Variants in METTL23 observed in about 807,000 individuals in gnomAD.
METTL23 encodes methyltransferase 23, arginine.
Under a neutral mutation model 21.2 loss-of-function variants are expected in METTL23, and 24 were observed. That is an observed-to-expected ratio of 1.13 (90% CI 0.82 to 1.59). The LOEUF is 1.59. METTL23 is among the 40% of genes most tolerant of loss of function. The pLI, the probability that METTL23 is intolerant of heterozygous loss-of-function variation, is 0.00. For missense variants in METTL23, 276 were observed against 221.4 expected (o/e 1.25, Z -1.57); for synonymous variants, 97 against 75.2 (o/e 1.29, Z -1.50).
chr17:76,726,397 T>G, upstream of METTL23: 1 of 1,605,244 alleles, frequency 6.2e-7, no homozygotes, highest in Non-Finnish European at 8.5e-7. Context: ...TTGTGCCGGG[T>G]CCAATCCAGC....
In METTL23 at chr17:76,733,503, CAACT is replaced by C; in HGVS notation, c.408-17_408-14del. 6.3e-7 allele frequency: 1 copy of C among 1,598,482 alleles called. No individual in the cohort carries two copies. Among genetic ancestry groups the C allele is most frequent in the Non-Finnish European group, 8.5e-7 (1 of 1,173,944 alleles). Reference sequence around the variant, plus strand: ...CAGAAAAGGCATGACTTTAAAAGAACAACTTTTTTTTTTTAAGTGCTGACTGGTC... The same window carrying C: ...CAGAAAAGGCATGACTTTAAAAGAACTTTTTTTTTTAAGTGCTGACTGGTC... On this transcript the variant is annotated splice_polypyrimidine_tract_variant and intron_variant, in intron 4 of 4. Coordinates refer to ENST00000341249, the MANE Select transcript of METTL23 (RefSeq NM_001080510.5).
chr17:76,729,746 G>A lies in METTL23; in HGVS notation c.36G>A (p.Gln12=). The change falls in exon 2 of 5, where the codon CAG becomes CAA. Residue 12 remains glutamine (Q), a synonymous_variant. Transcript: ENST00000341249. The part of the protein sequence containing the change: ...YVWPCAVVLA[Q]YLWFHRRSLP... The stretch of plus-strand genomic sequence containing the variant: ...GGCCCTGTGCTGTGGTCCTGGCCCA[G>A]TACCTTTGGTTTCACAGAAGATCTC... 6.2e-7 allele frequency: 1 copy of A among 1,600,224 alleles called. No individual in the cohort carries two copies. The highest frequency in any genetic ancestry group is 8.5e-7 in the Non-Finnish European group (1 of 1,172,254).
rs780105546 is a variant in METTL23 at position 76,727,146 on chromosome 17, G to A, written c.-54G>A. 23 of 449,004 alleles carry A rather than the reference G, an allele frequency of 5.1e-5. 1 individual carries two copies. Among genetic ancestry groups the A allele is most frequent in the South Asian group, 3.4e-4 (22 of 63,968 alleles). The allele number at this position is 449,004 out of a possible 1,614,324, so 27.8% of individuals were successfully genotyped here. A position where few individuals can be genotyped will look rare whatever the true frequency, so the allele number is the denominator to read the frequency against. ...CTCGGAGGAGCCGGGTCCGGGGGCC[G>A]ACGGGGCTGTCCTGGAGGTCCACGT... On this transcript the variant is annotated 5_prime_UTR_variant, in exon 1 of 5. Transcript: ENST00000341249.
chr17:76,731,594 A>G (rs1336526457), intron 2 of METTL23, among the ~76,000 whole-genome samples: 1 of 152,216 alleles, frequency 6.6e-6, no homozygotes, highest in Non-Finnish European at 1.5e-5. Context: ...TGTTGAGATT[A>G]GTGTAAAAAT....
intron 2 of METTL23, among the ~76,000 whole-genome samples, chr17:76,732,434 G>T (rs2077252664): frequency 1.3e-5 from 2 of 151,984 alleles, no homozygotes; most frequent in Non-Finnish European, 2.9e-5. Context: ...GGAGGCGGGG[G>T]TTGCAGTGAG....
chr17:76,726,391 G>A, upstream of METTL23: 1 of 1,604,784 alleles, frequency 6.2e-7, no homozygotes. Flanking sequence ...TAGTAGTTGT[G>A]CCGGGTCCAA....
chr17:76,732,638 G>A (rs755904204), intron 2 of METTL23: 13 of 313,410 alleles, frequency 4.1e-5, no homozygotes, highest in South Asian at 1.3e-4. Context: ...GCAAGACTCC[G>A]TCTCAAAAAA....
At chr17:76,729,183 C>T (rs1316656330) in intron 1 of METTL23, among the ~76,000 whole-genome samples, 1 of 151,898 alleles carries the variant, frequency 6.6e-6, no homozygotes, top group South Asian at 2.1e-4. Context: ...CTCCGCCTCC[C>T]GTGTTCAAGC....
Position 76,726,893 on chromosome 17 carries a change from G to A in METTL23, c.-307G>A, listed in dbSNP as rs1317313337. The A allele has an allele frequency of 8.9e-6, 4 of 451,440 alleles. 1 individual carries two copies. In the Middle Eastern group the frequency reaches 9.8e-4, roughly 111 times the overall value. 28.0% of individuals were successfully genotyped at this position (451,440 alleles called of 1,614,324 possible). On this transcript the variant is annotated 5_prime_UTR_variant, in exon 1 of 5. Coordinates refer to ENST00000341249, the MANE Select transcript of METTL23 (RefSeq NM_001080510.5). ...AGTTCTGCGCGTGTGAGTCTCTTTC[G>A]CCTTGCTCCGGGCTTTCTTCGCTCG...
rs779044537 is a variant in METTL23 at position 76,733,568 on chromosome 17, G to C, written c.455G>C (p.Cys152Ser). Residue 152 changes from cysteine (C) to serine (S), a missense_variant, in exon 5 of 5, where the codon TGT (cysteine) becomes TCT (serine). Coordinates refer to ENST00000341249, the MANE Select transcript of METTL23 (RefSeq NM_001080510.5). The part of the protein sequence containing the change: ...EALLYKWDMK[C>S]VHIPLESFDA... ...TTACTCTACAAATGGGATATGAAATGTGTCCACATTCCTCTTGAGTCTTTT... is the reference window on the plus strand; with the variant it reads ...TTACTCTACAAATGGGATATGAAATCTGTCCACATTCCTCTTGAGTCTTTT... The C allele has an allele frequency of 1.2e-6, 2 of 1,613,674 alleles. No individual in the cohort carries two copies. The highest frequency in any genetic ancestry group is 2.2e-5 in the South Asian group (2 of 91,052).
chr17:76,733,611 T>C lies in METTL23; in HGVS notation c.498T>C (p.Asp166=), dbSNP rs763465826. ...AGTCTTTTGATGCAGACAAAGAAGATATAGCAGAATCTACCCTTCCAGGAA... is the reference window on the plus strand; with the variant it reads ...AGTCTTTTGATGCAGACAAAGAAGACATAGCAGAATCTACCCTTCCAGGAA... ...PLESFDADKE[D]IAESTLPGRH... Residue 166 remains aspartate (D), a synonymous_variant, in exon 5 of 5, where the codon GAT becomes GAC. Transcript: ENST00000341249. 8.7e-6 allele frequency: 14 copies of C among 1,613,790 alleles called. No homozygotes were observed. The Admixed American group carries it at 1.7e-4, about 19-fold the overall frequency.
chr17:76,732,589 G>A (rs560371996), intron 2 of METTL23: 1 of 194,902 alleles, frequency 5.1e-6, no homozygotes, highest in Non-Finnish European at 1.1e-5. Context: ...GTTGCAGTGA[G>A]CCGATATTGC....
upstream of METTL23, among the ~76,000 whole-genome samples, chr17:76,726,074 C>T (rs992345928): frequency 7.2e-5 from 11 of 152,340 alleles, no homozygotes; most frequent in African/African-American, 2.6e-4. Context: ...GACCCGCCGC[C>T]CAAAGGAGTC....
upstream of METTL23, chr17:76,726,793 C>T (rs2076952672): frequency 7.8e-6 from 3 of 385,414 alleles, no homozygotes; most frequent in Non-Finnish European, 1.5e-5. Context: ...CGTCACCGCC[C>T]CGCCCCGCCC....
rs1245897538 is a variant in METTL23, at chr17:76,727,030, C to T, written c.-170C>T. 2.2e-6 allele frequency: 1 copy of T among 455,236 alleles called. No homozygotes were observed. The highest frequency in any genetic ancestry group is 7.0e-5 in the East Asian group (1 of 14,346). The allele number at this position is 455,236 out of a possible 1,614,324, so 28.2% of individuals were successfully genotyped here. The stretch of plus-strand genomic sequence containing the variant: ...CGCAGTCTGGCAGCCCGGAGCCTTC[C>T]GCGGTCCCCCGCCCGCCCGGGGCCC... On this transcript the variant is annotated 5_prime_UTR_variant, in exon 1 of 5. Coordinates refer to ENST00000341249, the MANE Select transcript of METTL23 (RefSeq NM_001080510.5).
At chr17:76,732,937 C>A in intron 2 of METTL23, 41 bp from the exon 3 acceptor site, 1 of 1,481,778 alleles carries the variant, frequency 6.7e-7, no homozygotes, top group East Asian at 2.5e-5. Context: ...ATTTGCAGTT[C>A]CAAGTATAAT....
rs752901009 is a variant in METTL23, at chr17:76,733,616, C to G, written c.503C>G (p.Ala168Gly). ...TTTGATGCAGACAAAGAAGATATAG[C>G]AGAATCTACCCTTCCAGGAAGACAT... is the stretch of plus-strand genomic sequence containing the variant. ...ESFDADKEDI[A>G]ESTLPGRHTV... Residue 168 changes from alanine (A) to glycine (G), a missense_variant, in exon 5 of 5, where the codon GCA becomes GGA. Ala to Gly is a moderately conservative substitution (Grantham distance 60, BLOSUM62 0). Coordinates refer to ENST00000341249, the MANE Select transcript of METTL23 (RefSeq NM_001080510.5). 6.2e-7 allele frequency: 1 copy of G among 1,613,608 alleles called. No homozygotes were observed. The highest frequency in any genetic ancestry group is 1.3e-5 in the African/African-American group (1 of 74,854).
Position 76,732,976 on chromosome 17 carries a change from AGATTG to A in METTL23, c.86_90del (p.Ile29SerfsTer40), listed in dbSNP as rs756957958. On this transcript the variant is annotated splice_acceptor_variant and coding_sequence_variant, in exon 3 of 5. Transcript: ENST00000341249. LOFTEE classifies it high-confidence loss of function. ...GAAATGCCATCTTTCATAACTTATT[AGATTG>A]GAGCTGGAGTGAGCCTTCCAGGAAT... 1.9e-6 allele frequency: 3 copies of A among 1,563,020 alleles called. No individual in the cohort carries two copies. The highest frequency in any genetic ancestry group is 2.6e-6 in the Non-Finnish European group (3 of 1,151,838).
At chr17:76,726,345 A>G, upstream of METTL23, 3 of 1,573,590 alleles carry the variant, frequency 1.9e-6, no homozygotes, top group Non-Finnish European at 8.6e-7. Flanking sequence ...CGACCCGCTC[A>G]CCGCCACGGC....
Sources: allele counts gnomAD v4.1 joint callset (sites outside exome capture counted in the v4.1 genomes callset), GRCh38; gene constraint gnomAD v4.1.1; transcripts MANE v1.5; gene names NCBI Gene and HGNC (gene_info 2026-07-23, HGNC 2026-07-21).